DISP3: variants seen among roughly 807,000 people sequenced by gnomAD.
DISP3 encodes protein dispatched homolog 3.
A neutral mutation model predicts 135.3 loss-of-function variants in DISP3; 101 were observed. The observed-to-expected ratio is 0.75, with a 90% CI of 0.64 to 0.88. DISP3 has a LOEUF of 0.88. Among genes scored for constraint, DISP3 ranks in the 40% least tolerant of loss-of-function variants. The pLI is 0.00. For synonymous variants in DISP3, 856 were observed against 817.0 expected, an observed-to-expected ratio of 1.05 and a Z score of -0.81; for missense variants, 1,713 against 1,878.6, an observed-to-expected ratio of 0.91 and a Z score of 1.63.
At chr1:11,498,600 G>A (rs1477901929) in intron 1 of DISP3, among the ~76,000 whole-genome samples, 1 of 152,144 alleles carries the variant, frequency 6.6e-6, no homozygotes, top group Non-Finnish European at 1.5e-5. Context: ...GAGTGTCAAA[G>A]TCACATCATG....
intron 17 of DISP3, among the ~76,000 whole-genome samples, chr1:11,532,861 C>G (rs182029114): frequency 7.2e-5 from 11 of 152,176 alleles, no homozygotes; most frequent in African/African-American, 2.4e-4. Context: ...TCACACCTAG[C>G]TAATTTTTTT....
At chr1:11,534,660 C>T (rs940666433) in intron 18 of DISP3, 120 bp downstream of exon 18, 20 of 1,317,898 alleles carry the variant, frequency 1.5e-5, no homozygotes, top group Admixed American at 1.0e-4. Flanking sequence ...CTGAGGAAAC[C>T]GGGTGGCACG....
At chr1:11,535,781 G>A in intron 20 of DISP3, 137 bp downstream of exon 20, 1 of 1,188,932 alleles carries the variant, frequency 8.4e-7, no homozygotes, top group East Asian at 2.6e-5. Flanking sequence ...AGAAACTAAG[G>A]TTTCCCAAAG....
chr1:11,517,676 C>G (rs1268696566), intron 7 of DISP3, 74 bp downstream of exon 7: 1 of 1,550,592 alleles, frequency 6.4e-7, no homozygotes, highest in African/African-American at 1.4e-5. Flanking sequence ...GTGCAGCAAC[C>G]TCTCTTCCAA....
chr1:11,519,832 CA>C lies in DISP3; in HGVS notation c.2153del (p.His718ProfsTer14). 1 of 1,612,444 alleles carries C rather than the reference CA, an allele frequency of 6.2e-7. No homozygotes were observed. Among genetic ancestry groups the C allele is most frequent in the Non-Finnish European group, 8.5e-7 (1 of 1,179,970 alleles). ...CATCGTGCAGCTGCAGGAGCTGCTG[CA>C]CCACTGGGTCCTGTGGTCAGCCGTC... The part of the protein sequence containing the change: ...HLIVQLQELL[H>X]HWVLWSAVKS... On this transcript the variant is annotated frameshift_variant, in exon 9 of 21. Coordinates refer to ENST00000294484, the MANE Select transcript of DISP3 (RefSeq NM_020780.2). LOFTEE classifies it high-confidence loss of function. This position sits in a 1 kb window ranked among gnomAD's most constrained non-coding sequence, Gnocchi z 4.3.
chr1:11,519,234 C>G lies in DISP3; in HGVS notation c.1890-121C>G. ...GCTCCCAGAAGTCTGGGGTGCTCAT[C>G]CTGTGTGTGACGTCAGCAGCACTGT... On this transcript the variant is annotated intron_variant, in intron 7 of 20. Transcript: ENST00000294484. This position sits in a 1 kb window ranked among gnomAD's most constrained non-coding sequence, Gnocchi z 4.3. 1 of 1,230,858 alleles carries G rather than the reference C, an allele frequency of 8.1e-7. No individual in the cohort carries two copies. The highest frequency in any genetic ancestry group is 2.4e-5 in the East Asian group (1 of 42,246). 76.2% of individuals were successfully genotyped at this position (1,230,858 alleles called of 1,614,324 possible). A position where few individuals can be genotyped will look rare whatever the true frequency, so the allele number is the denominator to read the frequency against.
chr1:11,507,692 T>A (rs1463634748), intron 3 of DISP3, among the ~76,000 whole-genome samples: 1 of 152,240 alleles, frequency 6.6e-6, no homozygotes, highest in Non-Finnish European at 1.5e-5. Context: ...TCTAATTCGA[T>A]TACTTCAGCA....
At chr1:11,495,193 C>A (rs1641297658) in intron 1 of DISP3, among the ~76,000 whole-genome samples, 1 of 152,120 alleles carries the variant, frequency 6.6e-6, no homozygotes, top group African/African-American at 2.4e-5. Context: ...AGTTCGAGAC[C>A]AGCCTGGCCA....
At chr1:11,525,344 A>G in intron 12 of DISP3, 32 bp downstream of exon 12, 1 of 1,597,940 alleles carries the variant, frequency 6.3e-7, no homozygotes, top group South Asian at 1.1e-5. Context: ...GTGAGCCGCC[A>G]CCACTGTGGG....
rs1321565506 is a variant in DISP3, at chr1:11,526,813, A to G, written c.2776A>G (p.Thr926Ala). 1.2e-6 allele frequency: 2 copies of G among 1,607,158 alleles called. No individual in the cohort carries two copies. Among genetic ancestry groups the G allele is most frequent in the Non-Finnish European group, 8.5e-7 (1 of 1,179,700 alleles). The change falls in exon 13 of 21, where the codon ACC (threonine) becomes GCC (alanine). Residue 926 changes from threonine to alanine, a missense_variant. Transcript: ENST00000294484. ...GTTTGACTTCAGCTTCTACGTGGCC[A>G]CCAAGGAGCAGCAGCACACCCGGTA... is the stretch of plus-strand genomic sequence containing the variant. ...WKFDFSFYVA[T>A]KEQQHTRKLY...
intron 1 of DISP3, among the ~76,000 whole-genome samples, chr1:11,486,375 G>A (rs1163997532): frequency 1.3e-5 from 2 of 152,154 alleles, no homozygotes; most frequent in South Asian, 2.1e-4. Context: ...GTCAGCAGCC[G>A]GAAGAGAACC....
chr1:11,515,059 T>A (rs1420352112), intron 4 of DISP3, among the ~76,000 whole-genome samples: 1 of 152,242 alleles, frequency 6.6e-6, no homozygotes, highest in Non-Finnish European at 1.5e-5. Flanking sequence ...CACCAAACTA[T>A]ATGCCAGATG....
chr1:11,516,292 T>G lies in DISP3; in HGVS notation c.1749+131T>G. 1 of 1,129,406 alleles carries G rather than the reference T, an allele frequency of 8.9e-7. No individual in the cohort carries two copies. The highest frequency in any genetic ancestry group is 1.2e-6 in the Non-Finnish European group (1 of 814,524). 70.0% of individuals were successfully genotyped at this position (1,129,406 alleles called of 1,614,324 possible). Reference sequence around the variant, plus strand: ...CACCTCAAGGTACTTGCCCTGGCTCTAGAGTTCATTTTTGTCACGAATCAC... The same window carrying G: ...CACCTCAAGGTACTTGCCCTGGCTCGAGAGTTCATTTTTGTCACGAATCAC... On this transcript the variant is annotated intron_variant, in intron 6 of 20. Coordinates refer to ENST00000294484, the MANE Select transcript of DISP3 (RefSeq NM_020780.2). The surrounding 1 kb of genome is among the most constrained non-coding windows in gnomAD (Gnocchi z 5.1).
rs748560728 is a variant in DISP3, at chr1:11,491,350, G to T, written c.-3-9640G>T. On this transcript the variant is annotated intron_variant, in intron 1 of 20. Coordinates refer to ENST00000294484, the MANE Select transcript of DISP3 (RefSeq NM_020780.2). This position sits in a 1 kb window ranked among gnomAD's most constrained non-coding sequence, Gnocchi z 4.3. Reference sequence around the variant, plus strand: ...TTGGGCATGGTGGCTGACACCTACTGTAATTCCAACAGTTTGGGAGACTGG... The same window carrying T: ...TTGGGCATGGTGGCTGACACCTACTTTAATTCCAACAGTTTGGGAGACTGG... Among the ~76,000 whole-genome samples the T allele has an allele frequency of 6.6e-6, 1 of 152,162 alleles. No individual in the cohort carries two copies. Among genetic ancestry groups the T allele is most frequent in the Non-Finnish European group, 1.5e-5 (1 of 68,034 alleles).
intron 3 of DISP3, among the ~76,000 whole-genome samples, chr1:11,514,149 C>T (rs1365442052): frequency 6.6e-6 from 1 of 152,148 alleles, no homozygotes; most frequent in Admixed American, 6.5e-5. Flanking sequence ...ATTTGAATCA[C>T]CTGAGAGAGT....
At chr1:11,526,271 C>T (rs529223924) in intron 12 of DISP3, among the ~76,000 whole-genome samples, 2 of 152,316 alleles carry the variant, frequency 1.3e-5, no homozygotes, top group African/African-American at 4.8e-5. Flanking sequence ...CCTGCCCCGG[C>T]GCCTTTCTCG....
chr1:11,523,595 A>G (rs368199996), intron 10 of DISP3, among the ~76,000 whole-genome samples: 123 of 99,932 alleles, frequency 1.2e-3, no homozygotes, highest in Non-Finnish European at 1.9e-3. Flanking sequence ...CAGAGATGGC[A>G]AGCAGGGGGC....
At chr1:11,508,098 A>G (rs957019844) in intron 3 of DISP3, among the ~76,000 whole-genome samples, 1 of 152,190 alleles carries the variant, frequency 6.6e-6, no homozygotes, top group Non-Finnish European at 1.5e-5. Context: ...ACATGTGTGT[A>G]TACACTGGGA....
chr1:11,534,491 G>A lies in DISP3; in HGVS notation c.3486G>A (p.Arg1162=). ...TGCCCGAGGGCTCAGTCCTGCGCCG[G>A]GGCTTCCAGACCTGCGAGCACTGGA... The part of the protein sequence containing the change: ...QALPEGSVLR[R]GFQTCEHWKQ... Residue 1162 remains arginine (R), a synonymous_variant, in exon 18 of 21, where the codon CGG becomes CGA. Transcript: ENST00000294484. The A allele has an allele frequency of 6.2e-7, 1 of 1,613,948 alleles. No individual in the cohort carries two copies. Among genetic ancestry groups the A allele is most frequent in the South Asian group, 1.1e-5 (1 of 91,050 alleles).
Sources: gnomAD v4.1 joint callset for allele counts (sites outside exome capture counted in the v4.1 genomes callset) on GRCh38, gnomAD v4.1.1 for gene constraint, Gnocchi (gnomAD v3.1) non-coding constraint, MANE v1.5 for transcripts, NCBI Gene and HGNC (gene_info 2026-07-23, HGNC 2026-07-21) for gene names.